The following DKC1 variants were observed in gnomAD, a reference collection of about 807,000 sequenced individuals.
DKC1 encodes the protein H/ACA ribonucleoprotein complex subunit DKC1.
In DKC1, 4 loss-of-function variants were observed where a neutral mutation model predicts 46.7. The observed-to-expected ratio is 0.09, with a 90% CI of 0.04 to 0.20. The LOEUF (loss-of-function observed/expected upper bound fraction) is 0.20, where lower values mean the gene tolerates loss of function less well. Among genes scored for constraint, DKC1 ranks in the 10% least tolerant of loss-of-function variants. DKC1 has a pLI of 1.00. For missense variants in DKC1, 171 were observed against 404.2 expected (o/e 0.42, Z 4.95); for synonymous variants, 141 against 142.4 (o/e 0.99, Z 0.07).
At chrX:154,767,843 CTTTTTTTTTTTTTT>C (rs35184460) in intron 7 of DKC1, among the ~76,000 whole-genome samples, 2 of 65,175 alleles carry the variant, frequency 3.1e-5, no homozygotes, top group Admixed American at 4.0e-4. Flanking sequence ...AATTACAGAT[CTTTTTTTTTTTTTT>C]TTTTTTTTTT....
At chrX:154,773,028 GT>G in intron 10 of DKC1, 102 bp from the exon 11 acceptor site, 5 of 565,697 alleles carry the variant, frequency 8.8e-6, no homozygotes, top group Non-Finnish European at 1.5e-5. Flanking sequence ...GTAGCTCAGA[GT>G]TTTAAAAGTT....
At chrX:154,773,759 C>T (rs1291664351) in intron 11 of DKC1, among the ~76,000 whole-genome samples, 1 of 112,571 alleles carries the variant, frequency 8.9e-6, no homozygotes, top group Non-Finnish European at 1.9e-5. Flanking sequence ...CCTTTCCCGC[C>T]TTTCTATTCC....
chrX:154,776,138 G>A, intron 13 of DKC1, 49 bp from the exon 14 acceptor site: 2 of 1,206,304 alleles, frequency 1.7e-6, no homozygotes, highest in African/African-American at 3.5e-5. Flanking sequence ...AACCTTTCTT[G>A]TCCATTATTG....
intron 13 of DKC1, 69 bp downstream of exon 13, chrX:154,775,342 TCTTA>T: frequency 9.6e-7 from 1 of 1,037,102 alleles, no homozygotes; most frequent in Non-Finnish European, 1.4e-6. Context: ...CTGGCATTCG[TCTTA>T]CTTTGTGACT....
chrX:154,772,423 C>T (rs782813452), intron 10 of DKC1, among the ~76,000 whole-genome samples: 37 of 111,922 alleles, frequency 3.3e-4, no homozygotes, highest in Non-Finnish European at 6.6e-4. Flanking sequence ...TTCTGGGTTC[C>T]TTATTCTGTT....
chrX:154,771,187 G>GGTTT (rs2071820394), intron 10 of DKC1, among the ~76,000 whole-genome samples: 1 of 64,487 alleles, frequency 1.6e-5, no homozygotes, highest in African/African-American at 6.4e-5. Context: ...TGGTGGTGGT[G>GGTTT]TTTTTTTTTT....
At chrX:154,776,657 C>A in intron 14 of DKC1, 142 bp from the exon 15 acceptor site, 1 of 630,646 alleles carries the variant, frequency 1.6e-6, no homozygotes, top group South Asian at 2.3e-5. Context: ...CTTTGTGTCA[C>A]ATGCAGCATT....
intron 12 of DKC1, 187 bp from the exon 13 acceptor site, chrX:154,775,008 T>A: frequency 1.7e-6 from 1 of 587,453 alleles, no homozygotes; most frequent in Middle Eastern, 3.2e-4. Flanking sequence ...CGGCAGACAG[T>A]TATCCCTTTC....
intron 11 of DKC1, 57 bp downstream of exon 11, chrX:154,773,306 T>A (rs1219930139): frequency 2.8e-4 from 150 of 531,768 alleles, no homozygotes; most frequent in East Asian, 1.2e-3. Context: ...TTTTTTTTTT[T>A]AAATTTATTT....
Position 154,773,153 on chromosome X carries a change from G to A in DKC1, c.1059G>A (p.Ala353=), listed in dbSNP as rs375274293. ...ICMAIALMTT[A]VISTCDHGIV... ...TAGCTATTGCATTAATGACCACAGC[G>A]GTCATCTCTACCTGCGACCATGGTA... The change falls in exon 11 of 15, where the codon GCG becomes GCA. Residue 353 remains alanine, a synonymous_variant. Coordinates refer to ENST00000369550, the MANE Select transcript of DKC1 (RefSeq NM_001363.5). The A allele has an allele frequency of 6.4e-5, 77 of 1,200,165 alleles. No homozygotes were observed. Among genetic ancestry groups the A allele is most frequent in the Non-Finnish European group, 7.9e-5 (70 of 887,272 alleles).
Position 154,776,966 on chromosome X carries a change from AG to A in DKC1, c.*102del. On this transcript the variant is annotated 3_prime_UTR_variant, in exon 15 of 15. Coordinates refer to ENST00000369550, the MANE Select transcript of DKC1 (RefSeq NM_001363.5). ...AGAGAGTGGAACATAGGTCCTAGACAGGGTGAAGAGTTCTGGCACATTTTAG... is the reference window on the plus strand; with the variant it reads ...AGAGAGTGGAACATAGGTCCTAGACAGGTGAAGAGTTCTGGCACATTTTAG... The A allele has an allele frequency of 1.4e-6, 1 of 734,233 alleles. No individual in the cohort carries two copies. Among genetic ancestry groups the A allele is most frequent in the African/African-American group, 2.1e-5 (1 of 47,494 alleles). 60.5% of individuals were successfully genotyped at this position (734,233 alleles called of 1,213,427 possible). A position where few individuals can be genotyped will look rare whatever the true frequency, so the allele number is the denominator to read the frequency against.
At chrX:154,775,450 A>G in intron 13 of DKC1, 177 bp downstream of exon 13, 1 of 511,081 alleles carries the variant, frequency 2.0e-6, no homozygotes. Context: ...TGGGCTCTGC[A>G]GGCTCCTCTG....
In DKC1 at chrX:154,766,066, A is replaced by G. The variant is rs1332711085; in HGVS notation, c.263+68A>G. ...GAAAATGCTTTCACATCAGCTATTC[A>G]GGAAGGCAGTGGCATGCCAGAATAG... On this transcript the variant is annotated intron_variant, in intron 4 of 14. Coordinates refer to ENST00000369550, the MANE Select transcript of DKC1 (RefSeq NM_001363.5). The G allele has an allele frequency of 3.4e-5, 35 of 1,014,853 alleles. No homozygotes were observed. The African/African-American group carries it at 5.6e-4, about 16-fold the overall frequency. 83.6% of individuals were successfully genotyped at this position (1,014,853 alleles called of 1,213,427 possible).
chrX:154,765,663 G>A, intron 3 of DKC1, 133 bp downstream of exon 3: 1 of 631,416 alleles, frequency 1.6e-6, no homozygotes, highest in Admixed American at 2.5e-5. Flanking sequence ...GTTTAAAGCA[G>A]GATTCCTTAA....
At chrX:154,773,923 GC>G (rs1362607854) in intron 11 of DKC1, among the ~76,000 whole-genome samples, 2 of 110,332 alleles carry the variant, frequency 1.8e-5, no homozygotes, top group Non-Finnish European at 3.8e-5. Context: ...GGCTGGCCGG[GC>G]GGGGGGGCTG....
intron 5 of DKC1, 43 bp downstream of exon 5, chrX:154,766,443 T>C (rs2148510045): frequency 9.2e-7 from 1 of 1,086,210 alleles, no homozygotes; most frequent in Non-Finnish European, 1.3e-6. Flanking sequence ...AGTGAAAAGC[T>C]TTCTGTATTT....
chrX:154,771,190 T>G (rs1372140255), intron 10 of DKC1, among the ~76,000 whole-genome samples: 2 of 95,499 alleles, frequency 2.1e-5, no homozygotes, highest in African/African-American at 8.1e-5. Flanking sequence ...TGGTGGTGTT[T>G]TTTTTTTTTT....
intron 1 of DKC1, among the ~76,000 whole-genome samples, chrX:154,764,212 ATATG>A (rs1384783375): frequency 2.9e-4 from 31 of 107,898 alleles, no homozygotes; most frequent in Non-Finnish European, 5.1e-4. Flanking sequence ...TGTATATTAT[ATATG>A]TATGTATTAT....
In DKC1 at chrX:154,764,960, T is replaced by C; in HGVS notation, c.78T>C (p.Asp26=). The change falls in exon 2 of 15, where the codon GAT becomes GAC. Residue 26 remains aspartate, a synonymous_variant. Coordinates refer to ENST00000369550, the MANE Select transcript of DKC1 (RefSeq NM_001363.5). ...KKERKSLPEE[D]VAEIQHAEEF... ...AGCGGAAGTCATTGCCAGAAGAAGA[T>C]GTAGCCGTGAGTAGTAATGTGTTTG... 2.5e-6 allele frequency: 3 copies of C among 1,200,889 alleles called. No individual in the cohort carries two copies. The highest frequency in any genetic ancestry group is 3.4e-6 in the Non-Finnish European group (3 of 885,396).
Sources: allele counts gnomAD v4.1 joint callset (sites outside exome capture counted in the v4.1 genomes callset), GRCh38; gene constraint gnomAD v4.1.1; transcripts MANE v1.5; gene names NCBI Gene and HGNC (gene_info 2026-07-23, HGNC 2026-07-21).